SNX19: variants seen among roughly 807,000 people sequenced by gnomAD.
SNX19 encodes the protein sorting nexin 19.
In SNX19, 60 loss-of-function variants were observed where a neutral mutation model predicts 85.2. The ratio of observed to expected loss-of-function variants is 0.70; its 90% CI spans 0.57 to 0.87. The LOEUF (loss-of-function observed/expected upper bound fraction) is 0.87, where lower values mean the gene tolerates loss of function less well. SNX19 is among the 40% of genes least tolerant of loss of function. The pLI is 0.00. For missense variants in SNX19, 1,201 were observed against 1,217.8 expected, an observed-to-expected ratio of 0.99 and a Z score of 0.21; for synonymous variants, 520 against 470.0, an observed-to-expected ratio of 1.11 and a Z score of -1.38.
Position 130,916,033 on chromosome 11 carries a change from G to C in SNX19, c.-94C>G. On this transcript the variant is annotated 5_prime_UTR_variant, in exon 1 of 11. Coordinates refer to ENST00000265909, the MANE Select transcript of SNX19 (RefSeq NM_014758.3). ...GGGCATGAACTGTGTCTCAGATATGGGGCGATCTGGGTGCTGTTCAGGGAA... is the reference window on the plus strand; with the variant it reads ...GGGCATGAACTGTGTCTCAGATATGCGGCGATCTGGGTGCTGTTCAGGGAA... 8.7e-7 allele frequency: 1 copy of C among 1,145,630 alleles called. No homozygotes were observed. The highest frequency in any genetic ancestry group is 1.2e-6 in the Non-Finnish European group (1 of 804,462). 71.0% of individuals were successfully genotyped at this position (1,145,630 alleles called of 1,614,324 possible).
intron 8 of SNX19, among the ~76,000 whole-genome samples, chr11:130,894,479 T>G (rs1944731453): frequency 6.6e-6 from 1 of 152,170 alleles, no homozygotes; most frequent in East Asian, 1.9e-4. Flanking sequence ...CTCTAAACCG[T>G]AGAGCAAGCC....
chr11:130,879,770 G>A, intron 9 of SNX19, 59 bp from the exon 10 acceptor site: 1 of 1,490,484 alleles, frequency 6.7e-7, no homozygotes, highest in South Asian at 1.1e-5. Flanking sequence ...AGATTCTAAG[G>A]ACAGTCTCTC....
In SNX19 at chr11:130,873,475, C is replaced by T. The variant is rs191420150; in HGVS notation, c.*4947G>A. On this transcript the variant is annotated 3_prime_UTR_variant, in exon 11 of 11. Coordinates refer to ENST00000265909, the MANE Select transcript of SNX19 (RefSeq NM_014758.3). Reference sequence around the variant, plus strand: ...GCAGTTTAGTATAGTGGATATACTACGTAGACTCAGAGGCAGATTGACATG... The same window carrying T: ...GCAGTTTAGTATAGTGGATATACTATGTAGACTCAGAGGCAGATTGACATG... 7.9e-5 allele frequency among the ~76,000 whole-genome samples: 12 copies of T among 152,226 alleles called. No homozygotes were observed. Among genetic ancestry groups the T allele is most frequent in the Non-Finnish European group, 1.3e-4 (9 of 68,020 alleles).
chr11:130,873,677 C>T lies in SNX19; in HGVS notation c.*4745G>A, dbSNP rs1444496621. Among the ~76,000 whole-genome samples the T allele has an allele frequency of 6.6e-6, 1 of 152,066 alleles. No individual in the cohort carries two copies. Among genetic ancestry groups the T allele is most frequent in the Non-Finnish European group, 1.5e-5 (1 of 68,034 alleles). Reference sequence around the variant, plus strand: ...ACCAACCCACTACATCAGAACCTACCTTTAAGGGTTGATTTGTGGGTTAAA... The same window carrying T: ...ACCAACCCACTACATCAGAACCTACTTTTAAGGGTTGATTTGTGGGTTAAA... On this transcript the variant is annotated 3_prime_UTR_variant, in exon 11 of 11. Coordinates refer to ENST00000265909, the MANE Select transcript of SNX19 (RefSeq NM_014758.3).
rs1295139347 is a variant in SNX19 at position 130,877,374 on chromosome 11, T to A, written c.*1048A>T. ...ATGCTGGTGTTGTTAAAGGACTGAT[T>A]ATAACCGTAAGGAATGGGAAATAAG... On this transcript the variant is annotated 3_prime_UTR_variant, in exon 11 of 11. Coordinates refer to ENST00000265909, the MANE Select transcript of SNX19 (RefSeq NM_014758.3). 6.6e-6 allele frequency: 1 copy of A among 152,230 alleles called. No individual in the cohort carries two copies. The highest frequency in any genetic ancestry group is 1.5e-5 in the Non-Finnish European group (1 of 68,042). The allele number at this position is 152,230 out of a possible 1,614,324, so 9.4% of individuals were successfully genotyped here.
chr11:130,887,527 G>A (rs1291665862), intron 8 of SNX19, among the ~76,000 whole-genome samples: 1 of 152,140 alleles, frequency 6.6e-6, no homozygotes, highest in Non-Finnish European at 1.5e-5. Context: ...TCTTAGTTCT[G>A]CTACCCAATT....
In SNX19 at chr11:130,882,302, A is replaced by G. The variant is rs527248627; in HGVS notation, c.2574-1496T>C. Among the ~76,000 whole-genome samples the G allele has an allele frequency of 3.1e-4, 47 of 152,326 alleles. 1 individual carries two copies. The highest frequency in any genetic ancestry group is 1.1e-3 in the African/African-American group (44 of 41,580). ...GAAGACTCGTTTGATCCTGCACCAC[A>G]TGGCAGCTCATGCCATCACTCCTCG... On this transcript the variant is annotated intron_variant, in intron 8 of 10. Coordinates refer to ENST00000265909, the MANE Select transcript of SNX19 (RefSeq NM_014758.3).
At chr11:130,895,723 A>G (rs1944831035) in intron 8 of SNX19, among the ~76,000 whole-genome samples, 1 of 152,238 alleles carries the variant, frequency 6.6e-6, no homozygotes, top group Admixed American at 6.5e-5. Flanking sequence ...ACACACACAC[A>G]GAAATGCAAA....
At chr11:130,883,743 A>G (rs1041075809) in intron 8 of SNX19, among the ~76,000 whole-genome samples, 4 of 152,212 alleles carry the variant, frequency 2.6e-5, no homozygotes, top group African/African-American at 9.6e-5. Context: ...AGTCCCAGGC[A>G]GCCTGTGTAG....
At position 130,876,486 on chromosome 11, in the gene SNX19, A is replaced by AATT. The variant is rs1943260691; in HGVS notation, c.*1933_*1935dup. On this transcript the variant is annotated 3_prime_UTR_variant, in exon 11 of 11. Coordinates refer to ENST00000265909, the MANE Select transcript of SNX19 (RefSeq NM_014758.3). ...CTGGAAGTGTCAAAAGATTCCTTAG[A>AATT]ATTTATAGCCACAGGGATTTCATGG... The AATT allele has an allele frequency of 6.5e-6, 1 of 152,672 alleles. No homozygotes were observed. Among genetic ancestry groups the AATT allele is most frequent in the South Asian group, 2.1e-4 (1 of 4,830 alleles). The allele number at this position is 152,672 out of a possible 1,614,324, so 9.5% of individuals were successfully genotyped here.
At chr11:130,901,910 C>T (rs1945282697) in intron 8 of SNX19, 1 of 152,176 alleles carries the variant, frequency 6.6e-6, no homozygotes, top group African/African-American at 2.4e-5. Flanking sequence ...ATTTTAAGTG[C>T]AGAATATATG....
chr11:130,880,765 C>T lies in SNX19; in HGVS notation c.2615G>A (p.Arg872His), dbSNP rs111719574. ...AAGAAGCAGGAGGTACTGCACCCAG[C>T]GCTGTGGACTTGTTAAATTAGCTAC... The part of the protein sequence containing the change: ...VQVANLTSPQ[R>H]WVQYLLLLQE... The change falls in exon 9 of 11, where the codon CGC (arginine) becomes CAC (histidine). Residue 872 changes from arginine to histidine, a missense_variant. By Grantham distance (29) the Arg-to-His change is conservative. This residue lies in a region of SNX19 where 285 missense variants were observed against 295.3 expected (regional missense o/e 0.97). Transcript: ENST00000265909. The T allele has an allele frequency of 7.7e-5, 122 of 1,587,100 alleles. No homozygotes were observed. The Admixed American group carries it at 1.3e-3, about 17-fold the overall frequency.
rs1257426167 is a variant in SNX19, at chr11:130,866,900, G to C, written c.*11522C>G. 1 of 152,244 alleles carries C rather than the reference G, an allele frequency of 6.6e-6. No homozygotes were observed. Among genetic ancestry groups the C allele is most frequent in the Non-Finnish European group, 1.5e-5 (1 of 68,048 alleles). The allele number at this position is 152,244 out of a possible 1,614,324, so 9.4% of individuals were successfully genotyped here. A position where few individuals can be genotyped will look rare whatever the true frequency, so the allele number is the denominator to read the frequency against. On this transcript the variant is annotated 3_prime_UTR_variant, in exon 11 of 11. Transcript: ENST00000265909. Reference sequence around the variant, plus strand: ...GACATTTATTATGCACTGTGTGCTAGAGGTTGTTCTTAAACGTATGAGCTC... The same window carrying C: ...GACATTTATTATGCACTGTGTGCTACAGGTTGTTCTTAAACGTATGAGCTC...
At chr11:130,900,748 A>G (rs995529412) in intron 8 of SNX19, among the ~76,000 whole-genome samples, 1 of 152,134 alleles carries the variant, frequency 6.6e-6, no homozygotes, top group Non-Finnish European at 1.5e-5. Context: ...GTCATATTAG[A>G]TCACACACTA....
intron 10 of SNX19, 87 bp downstream of exon 10, chr11:130,879,537 G>C (rs983059060): frequency 1.8e-5 from 20 of 1,133,600 alleles, no homozygotes; most frequent in Non-Finnish European, 2.5e-5. Flanking sequence ...TTTGGAATGT[G>C]GGCTTTTCAC....
At position 130,911,317 on chromosome 11, in the gene SNX19, C is replaced by G. The variant is rs1243571011; in HGVS notation, c.1813+316G>C. 1.2e-5 allele frequency: 5 copies of G among 428,600 alleles called. No individual in the cohort carries two copies. The Admixed American group carries it at 2.1e-4, about 18-fold the overall frequency. 26.5% of individuals were successfully genotyped at this position (428,600 alleles called of 1,614,324 possible). A position where few individuals can be genotyped will look rare whatever the true frequency, so the allele number is the denominator to read the frequency against. ...TAATATTTTAATATTTAAGAACCACCAATCTATGAATCTGGAAAAGTTAAT... is the reference window on the plus strand; with the variant it reads ...TAATATTTTAATATTTAAGAACCACGAATCTATGAATCTGGAAAAGTTAAT... On this transcript the variant is annotated intron_variant, in intron 2 of 10. Transcript: ENST00000265909.
At position 130,910,006 on chromosome 11, in the gene SNX19, C is replaced by T. The variant is rs201867159; in HGVS notation, c.2034+12G>A. On this transcript the variant is annotated intron_variant, in intron 4 of 10. Transcript: ENST00000265909. ...TCAAAACTAAAGCTGAGCACAGTGG[C>T]CCTGCTGGTACCTTGTCTATTCTAG... The T allele has an allele frequency of 6.9e-4, 1,105 of 1,612,442 alleles. 1 individual carries two copies. The highest frequency in any genetic ancestry group is 8.7e-4 in the Admixed American group (52 of 59,976).
rs940551657 is a variant in SNX19, at chr11:130,868,538, T to C, written c.*9884A>G. The C allele has an allele frequency of 6.6e-6, 1 of 152,202 alleles. No homozygotes were observed. Among genetic ancestry groups the C allele is most frequent in the Non-Finnish European group, 1.5e-5 (1 of 68,096 alleles). 9.4% of individuals were successfully genotyped at this position (152,202 alleles called of 1,614,324 possible). On this transcript the variant is annotated 3_prime_UTR_variant, in exon 11 of 11. Coordinates refer to ENST00000265909, the MANE Select transcript of SNX19 (RefSeq NM_014758.3). Reference sequence around the variant, plus strand: ...ATTTCCACCTTAGATTAGACAGGCATTGGAGTCAGGAGCTAGCTGGTTACT... The same window carrying C: ...ATTTCCACCTTAGATTAGACAGGCACTGGAGTCAGGAGCTAGCTGGTTACT...
At chr11:130,905,511 A>G in intron 7 of SNX19, 2 of 517,316 alleles carry the variant, frequency 3.9e-6, no homozygotes, top group Non-Finnish European at 6.7e-6. Flanking sequence ...TGTGTAGAAT[A>G]AGGACAGCGA....
Sources: gnomAD v4.1 joint callset for allele counts (sites outside exome capture counted in the v4.1 genomes callset) on GRCh38, gnomAD v4.1.1 for gene constraint, gnomAD v4.1.1 regional missense constraint, MANE v1.5 for transcripts, NCBI Gene and HGNC (gene_info 2026-07-23, HGNC 2026-07-21) for gene names.